The following SH3PXD2A variants were observed in gnomAD, a reference collection of about 807,000 sequenced individuals.
The protein encoded by SH3PXD2A is SH3 and PX domain-containing protein 2A.
A neutral mutation model predicts 115.2 loss-of-function variants in SH3PXD2A; 32 were observed. The observed-to-expected ratio is 0.28, with a 90% confidence interval of 0.21 to 0.37. The LOEUF is 0.37. Among genes scored for constraint, SH3PXD2A ranks in the 10% least tolerant of loss-of-function variants. The probability of loss-of-function intolerance (pLI) is 1.00; values close to 1 mark genes in which losing one functional copy is unlikely to be tolerated. For missense variants in SH3PXD2A, 1,328 were observed against 1,498.7 expected (o/e 0.89, Z 1.88); for synonymous variants, 610 against 629.1 (o/e 0.97, Z 0.45).
intron 1 of SH3PXD2A, among the ~76,000 whole-genome samples, chr10:103,836,499 T>C (rs1304037346): frequency 6.8e-6 from 1 of 147,136 alleles, no homozygotes; most frequent in East Asian, 2.0e-4. Context: ...GACACATCCA[T>C]ACACACACAG....
rs370749229 is a variant in SH3PXD2A, at chr10:103,665,357, C to T, written c.472+3251G>A. Among the ~76,000 whole-genome samples the T allele has an allele frequency of 2.6e-5, 4 of 152,120 alleles. No homozygotes were observed. Among genetic ancestry groups the T allele is most frequent in the Non-Finnish European group, 5.9e-5 (4 of 68,022 alleles). ...TTCAAAGCAGAGTTAAATCCACACC[C>T]CCACACCCCTTCCCCCCACCACTTT... On this transcript the variant is annotated intron_variant, in intron 7 of 14. Transcript: ENST00000369774. The surrounding 1 kb of genome is among the most constrained non-coding windows in gnomAD (Gnocchi z 4.0).
intron 1 of SH3PXD2A, among the ~76,000 whole-genome samples, chr10:103,818,238 C>A (rs78038634): frequency 0.018 from 2,673 of 152,340 alleles, 78 homozygotes; most frequent in African/African-American, 0.06. Context: ...TCTCCCTGGG[C>A]TGCCTCAGCC....
chr10:103,694,031 C>G (rs559731970), intron 5 of SH3PXD2A, among the ~76,000 whole-genome samples: 47 of 152,318 alleles, frequency 3.1e-4, no homozygotes, highest in Non-Finnish European at 5.1e-4. Context: ...CTCCCACCCC[C>G]CTCCATTCAC....
chr10:103,844,398 A>T (rs1205037372), intron 1 of SH3PXD2A, among the ~76,000 whole-genome samples: 1 of 152,244 alleles, frequency 6.6e-6, no homozygotes, highest in Non-Finnish European at 1.5e-5. Flanking sequence ...CACACAGGCA[A>T]GTCCCTTAAA....
At chr10:103,692,153 C>A (rs1564865193) in intron 6 of SH3PXD2A, among the ~76,000 whole-genome samples, 1 of 152,198 alleles carries the variant, frequency 6.6e-6, no homozygotes. Flanking sequence ...TCTGTCCCCG[C>A]CCCCACTTCA....
intron 2 of SH3PXD2A, among the ~76,000 whole-genome samples, chr10:103,795,226 T>A (rs940212005): frequency 5.9e-5 from 9 of 152,242 alleles, no homozygotes; most frequent in South Asian, 2.1e-4. Flanking sequence ...ATTTCAAAAA[T>A]TTTTAATTAA....
intron 1 of SH3PXD2A, among the ~76,000 whole-genome samples, chr10:103,801,948 C>T (rs1396138637): frequency 3.3e-5 from 5 of 152,198 alleles, no homozygotes; most frequent in African/African-American, 1.2e-4. Flanking sequence ...AGATGATCCA[C>T]CTGCCTTGGC....
intron 5 of SH3PXD2A, among the ~76,000 whole-genome samples, chr10:103,701,792 TC>T (rs1448035272): frequency 8.2e-5 from 9 of 109,736 alleles, no homozygotes; most frequent in Non-Finnish European, 1.2e-4. Context: ...CCATCATCCA[TC>T]CATCTATCTT....
In SH3PXD2A at chr10:103,601,713, CA is replaced by C; in HGVS notation, c.*102del. ...GCAGTGTTGAATGTTGTCCACCCCC[CA>C]CCCCCCACCCCCATTTTTTCCTTTC... On this transcript the variant is annotated 3_prime_UTR_variant, in exon 15 of 15. Coordinates refer to ENST00000369774, the MANE Select transcript of SH3PXD2A (RefSeq NM_001394015.1). 1 of 182,108 alleles carries C rather than the reference CA, an allele frequency of 5.5e-6. No homozygotes were observed. The highest frequency in any genetic ancestry group is 1.1e-5 in the Non-Finnish European group (1 of 91,084). The allele number at this position is 182,108 out of a possible 1,614,324, so 11.3% of individuals were successfully genotyped here.
chr10:103,775,920 G>A (rs973502579), intron 2 of SH3PXD2A, among the ~76,000 whole-genome samples: 6 of 152,198 alleles, frequency 3.9e-5, no homozygotes, highest in African/African-American at 1.4e-4. Flanking sequence ...GGTCTCAGAT[G>A]CCTGCTCGAT....
chr10:103,830,762 A>G (rs1268146122), intron 1 of SH3PXD2A, among the ~76,000 whole-genome samples: 3 of 152,256 alleles, frequency 2.0e-5, no homozygotes, highest in African/African-American at 7.2e-5. Context: ...CCATGTATAT[A>G]GATTACCAAC....
rs1324936862 is a variant in SH3PXD2A at position 103,784,486 on chromosome 10, T to C, written c.153+16796A>G. On this transcript the variant is annotated intron_variant, in intron 2 of 14. Coordinates refer to ENST00000369774, the MANE Select transcript of SH3PXD2A (RefSeq NM_001394015.1). The surrounding 1 kb of genome is among the most constrained non-coding windows in gnomAD (Gnocchi z 4.4). ...ATTTTATTTATTTAAAAGAGACATA[T>C]CTGAAGCAAATGTGGCAAAATATTC... Among the ~76,000 whole-genome samples, 1 of 152,178 alleles carries C rather than the reference T, an allele frequency of 6.6e-6. No individual in the cohort carries two copies. The highest frequency in any genetic ancestry group is 1.5e-5 in the Non-Finnish European group (1 of 68,038).
chr10:103,728,546 A>G (rs957140350), intron 4 of SH3PXD2A, among the ~76,000 whole-genome samples: 1 of 152,204 alleles, frequency 6.6e-6, no homozygotes, highest in Non-Finnish European at 1.5e-5. Flanking sequence ...AGTATGTCTC[A>G]TGGAAGAACT....
At chr10:103,663,326 A>T (rs1361944798) in intron 7 of SH3PXD2A, among the ~76,000 whole-genome samples, 3 of 152,124 alleles carry the variant, frequency 2.0e-5, no homozygotes, top group Non-Finnish European at 2.9e-5. Flanking sequence ...CTTCCATTTC[A>T]CAAAAGACTA....
intron 2 of SH3PXD2A, among the ~76,000 whole-genome samples, chr10:103,789,142 C>T (rs2039008694): frequency 6.7e-6 from 1 of 149,214 alleles, no homozygotes; most frequent in Non-Finnish European, 1.5e-5. Context: ...GAGTCAAAAA[C>T]AAAACCAGCT....
Position 103,784,140 on chromosome 10 carries a change from G to A in SH3PXD2A, c.154-16971C>T, listed in dbSNP as rs2038958309. 6.6e-6 allele frequency among the ~76,000 whole-genome samples: 1 copy of A among 152,272 alleles called. No homozygotes were observed. Among genetic ancestry groups the A allele is most frequent in the Non-Finnish European group, 1.5e-5 (1 of 68,044 alleles). On this transcript the variant is annotated intron_variant, in intron 2 of 14. Coordinates refer to ENST00000369774, the MANE Select transcript of SH3PXD2A (RefSeq NM_001394015.1). This position sits in a 1 kb window ranked among gnomAD's most constrained non-coding sequence, Gnocchi z 4.4. The stretch of plus-strand genomic sequence containing the variant: ...GCCCACCTGGAATGAGATGCAGGAG[G>A]AGGAGGAAGTGCAGGGAGAGAAGAT...
At chr10:103,753,428 A>G (rs1055166319) in intron 3 of SH3PXD2A, among the ~76,000 whole-genome samples, 2 of 146,992 alleles carry the variant, frequency 1.4e-5, no homozygotes, top group Admixed American at 6.9e-5. Context: ...CCCAGGAGGC[A>G]GAGGTTGCAG....
chr10:103,790,700 T>A (rs757575498), intron 2 of SH3PXD2A, among the ~76,000 whole-genome samples: 12 of 152,154 alleles, frequency 7.9e-5, no homozygotes, highest in Non-Finnish European at 1.5e-4. Flanking sequence ...CTCGGTTTTG[T>A]TTTTTAGAAA....
chr10:103,612,292 G>C (rs2036439979), intron 12 of SH3PXD2A, among the ~76,000 whole-genome samples: 1 of 152,168 alleles, frequency 6.6e-6, no homozygotes, highest in African/African-American at 2.4e-5. Flanking sequence ...TGCCTGTGTA[G>C]AGTGGTAAAG....
Sources: allele counts gnomAD v4.1 joint callset (sites outside exome capture counted in the v4.1 genomes callset), GRCh38; gene constraint gnomAD v4.1.1; non-coding constraint Gnocchi (gnomAD v3.1); transcripts MANE v1.5; gene names NCBI Gene and HGNC (gene_info 2026-07-23, HGNC 2026-07-21).